RAPGEF6: variants seen among roughly 807,000 people sequenced by gnomAD.
RAPGEF6 encodes Rap guanine nucleotide exchange factor 6, also known as PDZ domain containing guanine nucleotide exchange factor (GEF) 2.
Under a neutral mutation model 171.4 loss-of-function variants are expected in RAPGEF6, and 56 were observed. That is an observed-to-expected ratio of 0.33 (90% CI 0.26 to 0.41). The LOEUF (loss-of-function observed/expected upper bound fraction) is 0.41, where lower values mean the gene tolerates loss of function less well. Among genes scored for constraint, RAPGEF6 ranks in the 10% least tolerant of loss-of-function variants. The probability of loss-of-function intolerance (pLI) is 1.00; values close to 1 mark genes in which losing one functional copy is unlikely to be tolerated. For synonymous variants in RAPGEF6, 692 were observed against 650.1 expected (o/e 1.06, Z -0.98); for missense variants, 1,674 against 1,921.4 (o/e 0.87, Z 2.41).
chr5:131,613,901 G>A (rs1044273139), intron 1 of RAPGEF6, among the ~76,000 whole-genome samples: 11 of 152,090 alleles, frequency 7.2e-5, no homozygotes, highest in African/African-American at 2.7e-4. Flanking sequence ...AGAAGCTAGT[G>A]ACACCGAGAA....
intron 19 of RAPGEF6, among the ~76,000 whole-genome samples, chr5:131,460,564 CCT>C (rs1027256610): frequency 1.3e-5 from 2 of 152,216 alleles, no homozygotes; most frequent in Admixed American, 6.5e-5. Flanking sequence ...CATCTTTATT[CCT>C]CTGTTTTAGA....
At chr5:131,633,915 T>C (rs773098489) in intron 1 of RAPGEF6, among the ~76,000 whole-genome samples, 5 of 152,292 alleles carry the variant, frequency 3.3e-5, no homozygotes, top group Non-Finnish European at 5.9e-5. Flanking sequence ...ATTATAAATG[T>C]ATATCTCAAA....
At chr5:131,502,683 T>C (rs1757103030) in intron 11 of RAPGEF6, among the ~76,000 whole-genome samples, 1 of 152,244 alleles carries the variant, frequency 6.6e-6, no homozygotes, top group Admixed American at 6.5e-5. Context: ...TGGTACAGAC[T>C]GAAGTGACAT....
chr5:131,508,347 T>C (rs1757501689), intron 8 of RAPGEF6, 140 bp from the exon 9 acceptor site: 1 of 829,080 alleles, frequency 1.2e-6, no homozygotes, highest in African/African-American at 1.8e-5. Context: ...AAGGTACTAT[T>C]TGACCGTTGA....
At chr5:131,471,399 C>T (rs550148401) in intron 17 of RAPGEF6, among the ~76,000 whole-genome samples, 2 of 152,218 alleles carry the variant, frequency 1.3e-5, no homozygotes, top group East Asian at 3.9e-4. Flanking sequence ...ATTTAAGTTG[C>T]TATAATAAAA....
intron 15 of RAPGEF6, among the ~76,000 whole-genome samples, chr5:131,485,012 G>A (rs1052213055): frequency 6.6e-6 from 1 of 151,972 alleles, no homozygotes; most frequent in South Asian, 2.1e-4. Context: ...TTATAGTCTT[G>A]AACTCCTGGG....
intron 2 of RAPGEF6, among the ~76,000 whole-genome samples, 157 bp downstream of exon 2, chr5:131,604,466 C>T (rs1764429206): frequency 2.0e-5 from 3 of 152,098 alleles, no homozygotes; most frequent in Admixed American, 2.0e-4. Context: ...ATCACCCCTA[C>T]CAAAATATAA....
At chr5:131,508,973 T>C (rs1757538407) in intron 8 of RAPGEF6, among the ~76,000 whole-genome samples, 1 of 152,206 alleles carries the variant, frequency 6.6e-6, no homozygotes, top group Non-Finnish European at 1.5e-5. Context: ...TTTAACTGTA[T>C]TATATCTTTA....
rs776486686 is a variant in RAPGEF6 at position 131,429,038 on chromosome 5, T to C, written c.4644A>G (p.Arg1548=). ...TGCTACTGAGAGAAGCTGGTGGCAGTCTAGAGAGGCTGTTATGCATCATCT... is the reference window on the plus strand; with the variant it reads ...TGCTACTGAGAGAAGCTGGTGGCAGCCTAGAGAGGCTGTTATGCATCATCT... ...RSKMMHNSLS[R]LPPASLSSNL... The change falls in exon 27 of 28, where the codon AGA becomes AGG. Residue 1548 remains arginine (R), a synonymous_variant. Coordinates refer to ENST00000509018, the MANE Select transcript of RAPGEF6 (RefSeq NM_016340.6). The C allele has an allele frequency of 6.2e-7, 1 of 1,614,166 alleles. No individual in the cohort carries two copies. Among genetic ancestry groups the C allele is most frequent in the Non-Finnish European group, 8.5e-7 (1 of 1,180,020 alleles).
chr5:131,452,144 CG>C (rs1753131797), intron 21 of RAPGEF6, among the ~76,000 whole-genome samples: 1 of 150,726 alleles, frequency 6.6e-6, no homozygotes, highest in Non-Finnish European at 1.5e-5. Context: ...GGCGTGAACC[CG>C]GGAGGCGGAG....
At chr5:131,560,042 A>G (rs1021023676) in intron 5 of RAPGEF6, among the ~76,000 whole-genome samples, 4 of 152,120 alleles carry the variant, frequency 2.6e-5, no homozygotes, top group African/African-American at 9.7e-5. Flanking sequence ...AATTTCACCT[A>G]TTTTGGATTG....
intron 1 of RAPGEF6, among the ~76,000 whole-genome samples, chr5:131,625,324 G>A (rs1765843220): frequency 6.6e-6 from 1 of 152,064 alleles, no homozygotes; most frequent in Non-Finnish European, 1.5e-5. Context: ...AGGGCATATG[G>A]ACTTTATGTT....
In RAPGEF6 at chr5:131,461,700, C is replaced by T; in HGVS notation, c.2864+5G>A. 6.3e-7 allele frequency: 1 copy of T among 1,590,466 alleles called. No individual in the cohort carries two copies. The highest frequency in any genetic ancestry group is 8.6e-7 in the Non-Finnish European group (1 of 1,163,908). On this transcript the variant is annotated splice_donor_5th_base_variant and intron_variant, in intron 19 of 27. Coordinates refer to ENST00000509018, the MANE Select transcript of RAPGEF6 (RefSeq NM_016340.6). Reference sequence around the variant, plus strand: ...AGACATTTGTACCTATTTGTACCAACTTACCTTATTATTGCAAACATGGAA... The same window carrying T: ...AGACATTTGTACCTATTTGTACCAATTTACCTTATTATTGCAAACATGGAA...
chr5:131,565,501 C>G (rs536317950), intron 4 of RAPGEF6, among the ~76,000 whole-genome samples: 1 of 152,190 alleles, frequency 6.6e-6, no homozygotes, highest in South Asian at 2.1e-4. Flanking sequence ...CATAATGACC[C>G]TAAAATTTAC....
intron 1 of RAPGEF6, among the ~76,000 whole-genome samples, chr5:131,618,479 A>C (rs1030239020): frequency 1.3e-5 from 2 of 151,988 alleles, no homozygotes; most frequent in African/African-American, 4.8e-5. Context: ...TTTAAAAAAA[A>C]ATACAAAAAT....
chr5:131,453,015 G>C lies in RAPGEF6; in HGVS notation c.3200+39C>G, dbSNP rs75915712. 1,198 of 1,581,450 alleles carry C rather than the reference G, an allele frequency of 7.6e-4. 11 individuals carry two copies. The African/African-American group carries it at 0.014, about 19-fold the overall frequency. On this transcript the variant is annotated intron_variant, in intron 21 of 27. Transcript: ENST00000509018. ...ATATTTTAATTATTACATCACCCTT[G>C]ATACCACTCTAACACTTTTACATAT... is the stretch of plus-strand genomic sequence containing the variant.
chr5:131,585,289 T>TATACATACATACATACATAC (rs3058508), intron 4 of RAPGEF6, among the ~76,000 whole-genome samples: 1 of 134,974 alleles, frequency 7.4e-6, no homozygotes, highest in Non-Finnish European at 1.6e-5. Context: ...AAAAAAAAAC[T>TATACATACATACATACATAC]ATACATACAT....
At chr5:131,487,937 T>C (rs1580903786) in intron 15 of RAPGEF6, among the ~76,000 whole-genome samples, 1 of 152,210 alleles carries the variant, frequency 6.6e-6, no homozygotes, top group African/African-American at 2.4e-5. Context: ...TGTAATTTAA[T>C]AGATAAATTA....
intron 5 of RAPGEF6, among the ~76,000 whole-genome samples, chr5:131,550,146 A>G (rs1760829920): frequency 6.6e-6 from 1 of 151,960 alleles, no homozygotes; most frequent in African/African-American, 2.4e-5. Context: ...CCTCCCCTTA[A>G]TTTAAGTCTT....
Sources: allele counts gnomAD v4.1 joint callset (sites outside exome capture counted in the v4.1 genomes callset), GRCh38; gene constraint gnomAD v4.1.1; transcripts MANE v1.5; gene names NCBI Gene and HGNC (gene_info 2026-07-23, HGNC 2026-07-21).